Variants in PDCD6IP observed in about 807,000 individuals in gnomAD.
PDCD6IP encodes programmed cell death 6 interacting protein.
Under a neutral mutation model 103.7 loss-of-function variants are expected in PDCD6IP, and 43 were observed. That is an observed-to-expected ratio of 0.41 (90% CI 0.32 to 0.53). The LOEUF (loss-of-function observed/expected upper bound fraction) is 0.53. Among genes scored for constraint, PDCD6IP ranks in the 20% least tolerant of loss-of-function variants. The pLI is 0.16. For synonymous variants in PDCD6IP, 354 were observed against 378.7 expected (o/e 0.93, Z 0.76); for missense variants, 871 against 1,036.7 (o/e 0.84, Z 2.20).
intron 9 of PDCD6IP, among the ~76,000 whole-genome samples, chr3:33,839,168 A>G (rs952665791): frequency 2.6e-5 from 4 of 152,148 alleles, no homozygotes; most frequent in African/African-American, 9.7e-5. Flanking sequence ...AAGTTAGAGA[A>G]CATTACTGTT....
chr3:33,839,645 G>A (rs536211282), intron 9 of PDCD6IP, among the ~76,000 whole-genome samples: 2 of 152,182 alleles, frequency 1.3e-5, no homozygotes, highest in Admixed American at 6.5e-5. Flanking sequence ...GTTAGGTTGT[G>A]TGGTTAGCAT....
rs140471642 is a variant in PDCD6IP, at chr3:33,869,174, A to G, written c.*2649A>G. The G allele has an allele frequency of 3.3e-5, 5 of 152,098 alleles. No homozygotes were observed. Among genetic ancestry groups the G allele is most frequent in the South Asian group, 2.1e-4 (1 of 4,814 alleles). The allele number at this position is 152,098 out of a possible 1,614,324, so 9.4% of individuals were successfully genotyped here. On this transcript the variant is annotated 3_prime_UTR_variant, in exon 18 of 18. Transcript: ENST00000307296. ...TTTCCATTTGAACTTTACAGTTTGCAAAAGTGCTTTTATACATTTTCTAAT... is the reference window on the plus strand; with the variant it reads ...TTTCCATTTGAACTTTACAGTTTGCGAAAGTGCTTTTATACATTTTCTAAT...
At chr3:33,818,435 C>T (rs1009089805) in intron 3 of PDCD6IP, among the ~76,000 whole-genome samples, 1 of 150,428 alleles carries the variant, frequency 6.6e-6, no homozygotes, top group Non-Finnish European at 1.5e-5. Flanking sequence ...CTTGCTCTCT[C>T]CTGCCACACT....
At chr3:33,805,528 G>A (rs1053056563) in intron 1 of PDCD6IP, among the ~76,000 whole-genome samples, 1 of 151,262 alleles carries the variant, frequency 6.6e-6, no homozygotes, top group African/African-American at 2.4e-5. Context: ...TCGATCTCCT[G>A]GGCTCAAGCA....
intron 8 of PDCD6IP, among the ~76,000 whole-genome samples, chr3:33,837,352 G>A (rs1346458784): frequency 1.3e-5 from 2 of 152,208 alleles, no homozygotes; most frequent in Non-Finnish European, 2.9e-5. Context: ...TACTGGGAAA[G>A]GGTGATTATA....
chr3:33,844,277 C>G, intron 11 of PDCD6IP, 54 bp downstream of exon 11: 1 of 992,888 alleles, frequency 1.0e-6, no homozygotes, highest in Non-Finnish European at 1.5e-6. Context: ...TTTCGACCCA[C>G]GTTTTTGCTT....
chr3:33,853,913 C>T lies in PDCD6IP; in HGVS notation c.1925C>T (p.Ser642Phe). ...CAGGAATTTTCAAAAATGAAACAAT[C>T]TAATAATGAAGCTAACTTAAGAGAA... Reference protein sequence around the residue: ...SHQEFSKMKQSNNEANLREEV... With the variant: ...SHQEFSKMKQFNNEANLREEV... The change falls in exon 14 of 18, where the codon TCT (serine) becomes TTT (phenylalanine). Residue 642 changes from serine (S) to phenylalanine (F), a missense_variant. Around this residue, in one of 5 missense-constraint regions of PDCD6IP, gnomAD observed 266 missense variants for 390.5 expected, o/e 0.68. Coordinates refer to ENST00000307296, the MANE Select transcript of PDCD6IP (RefSeq NM_013374.6). 1 of 1,573,612 alleles carries T rather than the reference C, an allele frequency of 6.4e-7. No individual in the cohort carries two copies. Among genetic ancestry groups the T allele is most frequent in the Non-Finnish European group, 8.6e-7 (1 of 1,165,274 alleles).
intron 10 of PDCD6IP, among the ~76,000 whole-genome samples, chr3:33,843,745 G>A (rs992583828): frequency 3.3e-5 from 5 of 152,028 alleles, no homozygotes; most frequent in African/African-American, 1.2e-4. Flanking sequence ...TGGAATGAAA[G>A]TCTAAATTTT....
intron 15 of PDCD6IP, among the ~76,000 whole-genome samples, chr3:33,860,940 G>T (rs907664742): frequency 6.6e-6 from 1 of 151,470 alleles, no homozygotes; most frequent in East Asian, 1.9e-4. Context: ...ACATCTATAT[G>T]GTGAAGTACT....
chr3:33,852,413 A>C, intron 12 of PDCD6IP, 75 bp from the exon 13 acceptor site: 2 of 1,450,376 alleles, frequency 1.4e-6, no homozygotes, highest in Non-Finnish European at 1.8e-6. Context: ...GAACCTTTAT[A>C]TATTATTTCC....
chr3:33,860,266 A>G lies in PDCD6IP; in HGVS notation c.2121-3740A>G, dbSNP rs189460727. Among the ~76,000 whole-genome samples the G allele has an allele frequency of 6.5e-4, 99 of 152,356 alleles. 1 individual carries two copies. The highest frequency in any genetic ancestry group is 2.3e-3 in the African/African-American group (95 of 41,582). ...TACACTTGTCAAGTATTTTCAGCTC[A>G]GTGATTGAAAGGTGAATGAAAGATG... On this transcript the variant is annotated intron_variant, in intron 15 of 17. Transcript: ENST00000307296.
intron 7 of PDCD6IP, among the ~76,000 whole-genome samples, chr3:33,831,023 A>G (rs1450797893): frequency 6.6e-6 from 1 of 152,188 alleles, no homozygotes; most frequent in Non-Finnish European, 1.5e-5. Context: ...CAGGAAAATC[A>G]AAACAATAGA....
intron 10 of PDCD6IP, 124 bp from the exon 11 acceptor site, chr3:33,843,988 A>G: frequency 3.5e-6 from 2 of 571,582 alleles, no homozygotes; most frequent in Non-Finnish European, 3.1e-6. Flanking sequence ...GTCGATTTAT[A>G]TTCTAACCTA....
At chr3:33,860,018 A>G (rs1341183525) in intron 15 of PDCD6IP, among the ~76,000 whole-genome samples, 2 of 152,170 alleles carry the variant, frequency 1.3e-5, no homozygotes, top group African/African-American at 4.8e-5. Context: ...TGATATGGAA[A>G]GATCTCCAAG....
Position 33,825,208 on chromosome 3 carries a change from C to G in PDCD6IP, c.484C>G (p.His162Asp). 6.2e-7 allele frequency: 1 copy of G among 1,610,324 alleles called. No individual in the cohort carries two copies. Among genetic ancestry groups the G allele is most frequent in the Non-Finnish European group, 8.5e-7 (1 of 1,179,158 alleles). Residue 162 changes from histidine (H) to aspartate (D), a missense_variant, in exon 5 of 18, where the codon CAT becomes GAT. By Grantham distance (81) the His-to-Asp change is moderately conservative. Coordinates refer to ENST00000307296, the MANE Select transcript of PDCD6IP (RefSeq NM_013374.6). ...HYQFASGAFL[H>D]IKETVLSALS... ...TTAGTTTGCTAGTGGTGCCTTTTTA[C>G]ATATTAAAGAGACGGTTTTATCTGC...
chr3:33,858,087 G>A (rs1320942151), intron 15 of PDCD6IP, among the ~76,000 whole-genome samples: 1 of 152,136 alleles, frequency 6.6e-6, no homozygotes, highest in Non-Finnish European at 1.5e-5. Context: ...TATTACTGAA[G>A]TTGTTGATCA....
At chr3:33,866,273 C>A in intron 17 of PDCD6IP, 78 bp from the exon 18 acceptor site, 1 of 922,738 alleles carries the variant, frequency 1.1e-6, no homozygotes, top group Non-Finnish European at 1.6e-6. Flanking sequence ...TCATGAAAAA[C>A]GTAGTTCTAG....
intron 1 of PDCD6IP, among the ~76,000 whole-genome samples, chr3:33,806,045 T>G (rs1452736753): frequency 6.6e-6 from 1 of 152,130 alleles, no homozygotes; most frequent in African/African-American, 2.4e-5. Context: ...GTGCCCAGCC[T>G]AAACTAGAAT....
chr3:33,849,956 T>G (rs927125120), intron 12 of PDCD6IP, among the ~76,000 whole-genome samples: 18 of 152,236 alleles, frequency 1.2e-4, no homozygotes, highest in African/African-American at 4.3e-4. Context: ...GTTAGAATTA[T>G]TGCATTTTTG....
Sources: allele counts gnomAD v4.1 joint callset (sites outside exome capture counted in the v4.1 genomes callset), GRCh38; gene constraint gnomAD v4.1.1; regional missense constraint gnomAD v4.1.1; transcripts MANE v1.5; gene names NCBI Gene and HGNC (gene_info 2026-07-23, HGNC 2026-07-21).